SLC35A5: variants seen among roughly 807,000 people sequenced by gnomAD.
SLC35A5 encodes the protein solute carrier family 35 member A5.
SLC35A5 carries 28 observed loss-of-function variants against 36.3 expected under a neutral mutation model. That is an observed-to-expected ratio of 0.77 (90% CI 0.57 to 1.06). SLC35A5 has a LOEUF of 1.06. Ranked by LOEUF, SLC35A5 falls within the 50% of genes least tolerant of loss-of-function variation. The probability of loss-of-function intolerance (pLI) is 0.00; values close to 1 mark genes in which losing one functional copy is unlikely to be tolerated. For synonymous variants in SLC35A5, 180 were observed against 173.7 expected, an observed-to-expected ratio of 1.04 and a Z score of -0.29; for missense variants, 521 against 499.3, an observed-to-expected ratio of 1.04 and a Z score of -0.41.
At chr3:112,574,500 G>A (rs1188094911) in intron 5 of SLC35A5, among the ~76,000 whole-genome samples, 1 of 152,058 alleles carries the variant, frequency 6.6e-6, no homozygotes, top group African/African-American at 2.4e-5. Flanking sequence ...ATCTCCAAGA[G>A]GACCGTTGAA....
chr3:112,561,543 A>G (rs774466289), upstream of SLC35A5: 1 of 1,556,952 alleles, frequency 6.4e-7, no homozygotes. Flanking sequence ...GGGCCGGAGT[A>G]GCGGCCGGCC....
chr3:112,581,334 TG>T lies in SLC35A5; in HGVS notation c.1209+9del. 6.4e-7 allele frequency: 1 copy of T among 1,571,958 alleles called. No individual in the cohort carries two copies. The highest frequency in any genetic ancestry group is 8.6e-7 in the Non-Finnish European group (1 of 1,164,130). Reference sequence around the variant, plus strand: ...TGGGAGCGTTCCAGTGGGGTAAGTTTGTGAGGGTGTTCCTTTTTGCTTGTTC... The same window carrying T: ...TGGGAGCGTTCCAGTGGGGTAAGTTTTGAGGGTGTTCCTTTTTGCTTGTTC... On this transcript the variant is annotated intron_variant, in intron 6 of 6. Transcript: ENST00000492406.
At chr3:112,572,653 T>TA (rs529450195) in intron 4 of SLC35A5, among the ~76,000 whole-genome samples, 3 of 152,226 alleles carry the variant, frequency 2.0e-5, no homozygotes, top group Non-Finnish European at 2.9e-5. Flanking sequence ...CCATATATCT[T>TA]ACAGAATAAA....
chr3:112,577,677 A>T (rs568550538), intron 5 of SLC35A5, among the ~76,000 whole-genome samples: 53 of 152,352 alleles, frequency 3.5e-4, no homozygotes, highest in African/African-American at 1.2e-3. Context: ...TATGGAAAAA[A>T]ATTATTTAAA....
intron 2 of SLC35A5, among the ~76,000 whole-genome samples, chr3:112,566,406 A>C (rs1039421883): frequency 6.6e-6 from 1 of 152,226 alleles, no homozygotes; most frequent in African/African-American, 2.4e-5. Flanking sequence ...GCAATAAGTT[A>C]AATGTTCTAG....
At chr3:112,574,181 AATAAG>A (rs1349340254) in intron 5 of SLC35A5, among the ~76,000 whole-genome samples, 12 of 152,240 alleles carry the variant, frequency 7.9e-5, no homozygotes, top group Admixed American at 5.2e-4. Flanking sequence ...GCATCTTAAA[AATAAG>A]ATAATTGACT....
At chr3:112,566,855 T>G (rs1250687830) in intron 2 of SLC35A5, among the ~76,000 whole-genome samples, 1 of 152,216 alleles carries the variant, frequency 6.6e-6, no homozygotes, top group African/African-American at 2.4e-5. Context: ...AGTAGTATTT[T>G]ATATTTTGTT....
At chr3:112,561,532 G>A (rs1211514630), upstream of SLC35A5, 1 of 1,608,732 alleles carries the variant, frequency 6.2e-7, no homozygotes, top group Admixed American at 1.7e-5. Flanking sequence ...TCTGCATCCT[G>A]GGGCCGGAGT....
At chr3:112,564,550 A>T (rs1481380012) in intron 2 of SLC35A5, among the ~76,000 whole-genome samples, 2 of 151,934 alleles carry the variant, frequency 1.3e-5, no homozygotes, top group Non-Finnish European at 2.9e-5. Flanking sequence ...CGAGCAGGAG[A>T]CAGATGCCTT....
chr3:112,561,923 T>C (rs926303311), upstream of SLC35A5: 3 of 225,268 alleles, frequency 1.3e-5, no homozygotes, highest in Non-Finnish European at 2.7e-5. Context: ...TCTCACTCTC[T>C]TGCCGTAGCT....
intron 6 of SLC35A5, 46 bp from the exon 7 acceptor site, chr3:112,582,625 A>G (rs201065199): frequency 9.4e-6 from 14 of 1,492,284 alleles, no homozygotes; most frequent in African/African-American, 4.1e-5. Context: ...TAAAAATGCT[A>G]CATTTCCAGT....
At chr3:112,563,351 C>T (rs184099387) in intron 1 of SLC35A5, 34 bp from the exon 2 acceptor site, 7 of 1,409,142 alleles carry the variant, frequency 5.0e-6, no homozygotes, top group Admixed American at 2.3e-5. Context: ...GGTCTGCCAA[C>T]AAGGTCGTTC....
chr3:112,567,556 C>T (rs578245673), intron 2 of SLC35A5, among the ~76,000 whole-genome samples: 39 of 152,300 alleles, frequency 2.6e-4, no homozygotes, highest in African/African-American at 6.7e-4. Flanking sequence ...CCACCTGCCT[C>T]GGCCTCCCAA....
intron 2 of SLC35A5, among the ~76,000 whole-genome samples, chr3:112,566,836 G>C (rs569083082): frequency 4.5e-4 from 69 of 152,322 alleles, no homozygotes; most frequent in African/African-American, 1.6e-3. Flanking sequence ...AGGTATGGTA[G>C]CTAGAGGAAG....
intron 4 of SLC35A5, among the ~76,000 whole-genome samples, chr3:112,572,773 G>T (rs1162454602): frequency 6.6e-6 from 1 of 152,164 alleles, no homozygotes; most frequent in East Asian, 1.9e-4. Flanking sequence ...TTATCCTCTT[G>T]CATGGAAAGA....
At chr3:112,568,275 C>T (rs1349008210) in intron 2 of SLC35A5, among the ~76,000 whole-genome samples, 1 of 152,206 alleles carries the variant, frequency 6.6e-6, no homozygotes, top group Non-Finnish European at 1.5e-5. Flanking sequence ...ACAGTGTCCA[C>T]TTGGCTTTTT....
intron 2 of SLC35A5, among the ~76,000 whole-genome samples, chr3:112,567,665 G>A (rs1004801131): frequency 1.3e-5 from 2 of 152,216 alleles, no homozygotes; most frequent in Non-Finnish European, 2.9e-5. Context: ...CCTTCCTCTG[G>A]GGCTGAAGGG....
intron 5 of SLC35A5, among the ~76,000 whole-genome samples, chr3:112,577,325 T>G (rs1253955656): frequency 1.3e-5 from 2 of 152,202 alleles, no homozygotes; most frequent in East Asian, 3.8e-4. Context: ...GGATTCAAAC[T>G]TTATGTGAAT....
intron 3 of SLC35A5, 64 bp downstream of exon 3, chr3:112,569,333 G>A (rs1248277592): frequency 1.6e-6 from 2 of 1,232,768 alleles, no homozygotes; most frequent in Non-Finnish European, 2.4e-6. Context: ...AGAACTGGAA[G>A]GAACATTTTG....
Sources: allele counts gnomAD v4.1 joint callset (sites outside exome capture counted in the v4.1 genomes callset), GRCh38; gene constraint gnomAD v4.1.1; transcripts MANE v1.5; gene names NCBI Gene and HGNC (gene_info 2026-07-23, HGNC 2026-07-21).